PCDH9: variants seen among roughly 807,000 people sequenced by gnomAD.
The protein encoded by PCDH9 is protocadherin-9.
A neutral mutation model predicts 70.6 loss-of-function variants in PCDH9; 24 were observed. The observed-to-expected ratio is 0.34, with a 90% CI of 0.25 to 0.48. PCDH9 has a LOEUF of 0.48. PCDH9 is among the 20% of genes least tolerant of loss of function. The pLI is 0.99. For missense variants in PCDH9, 1,281 were observed against 1,503.6 expected (o/e 0.85, Z 2.45); for synonymous variants, 562 against 558.5 (o/e 1.01, Z -0.09).
chr13:67,208,541 T>A (rs1188502447), intron 2 of PCDH9: 1 of 152,126 alleles, frequency 6.6e-6, no homozygotes, highest in East Asian at 1.9e-4. Context: ...TCACAATTTT[T>A]GATTAGGAAA....
chr13:66,833,782 C>A (rs2080968405), intron 3 of PCDH9, among the ~76,000 whole-genome samples: 1 of 152,052 alleles, frequency 6.6e-6, no homozygotes, highest in Non-Finnish European at 1.5e-5. Context: ...TCATTAGTTT[C>A]CAGATTTAAA....
In PCDH9 at chr13:66,515,098, AC is replaced by A. The variant is rs561244556; in HGVS notation, c.3340+116111del. On this transcript the variant is annotated intron_variant, in intron 4 of 4. Coordinates refer to ENST00000377865, the MANE Select transcript of PCDH9 (RefSeq NM_203487.3). ...TTAGCATCTAACTTTAAAATAAATA[AC>A]ACAGTCACTAAATAAAGAACAAAGG... Among the ~76,000 whole-genome samples the A allele has an allele frequency of 1.8e-3, 277 of 152,136 alleles. 2 individuals are homozygous for A. Among genetic ancestry groups the A allele is most frequent in the African/African-American group, 6.4e-3 (268 of 41,566 alleles).
At chr13:66,761,320 A>G (rs1293309707) in intron 3 of PCDH9, among the ~76,000 whole-genome samples, 3 of 152,170 alleles carry the variant, frequency 2.0e-5, no homozygotes, top group Non-Finnish European at 2.9e-5. Flanking sequence ...AATAGACAAG[A>G]AACTATGTTG....
intron 4 of PCDH9, among the ~76,000 whole-genome samples, chr13:66,499,489 T>C (rs1056373353): frequency 1.6e-4 from 24 of 152,176 alleles, no homozygotes; most frequent in African/African-American, 5.8e-4. Flanking sequence ...TGGTTAAAAA[T>C]CATGATGCTC....
chr13:66,694,501 G>C (rs939863421), intron 3 of PCDH9, among the ~76,000 whole-genome samples: 1 of 152,046 alleles, frequency 6.6e-6, no homozygotes. Context: ...TCACACAAAC[G>C]TACTAGTAGG....
chr13:66,962,916 A>G (rs564188074), intron 2 of PCDH9, among the ~76,000 whole-genome samples: 147 of 152,294 alleles, frequency 9.7e-4, no homozygotes, highest in African/African-American at 3.1e-3. Flanking sequence ...ATATATAATG[A>G]AATAATTACA....
Position 66,804,461 on chromosome 13 carries a change from C to A in PCDH9, c.3138+99043G>T, listed in dbSNP as rs146582431. Among the ~76,000 whole-genome samples, 71 of 152,166 alleles carry A rather than the reference C, an allele frequency of 4.7e-4. 2 individuals carry two copies. The East Asian group carries it at 0.012, about 25-fold the overall frequency. On this transcript the variant is annotated intron_variant, in intron 3 of 4. Coordinates refer to ENST00000377865, the MANE Select transcript of PCDH9 (RefSeq NM_203487.3). Reference sequence around the variant, plus strand: ...ATTTTAAATTATTTTAACAAAGTTTCTTGGTTGAGATAGAGAGGAAGATTG... The same window carrying A: ...ATTTTAAATTATTTTAACAAAGTTTATTGGTTGAGATAGAGAGGAAGATTG...
intron 4 of PCDH9, among the ~76,000 whole-genome samples, chr13:66,459,973 G>T (rs1958392907): frequency 6.6e-6 from 1 of 151,786 alleles, no homozygotes; most frequent in South Asian, 2.1e-4. Context: ...TATTTAAAGA[G>T]GATCTGTTTT....
At chr13:66,946,517 A>T (rs1250652925) in intron 2 of PCDH9, among the ~76,000 whole-genome samples, 1 of 152,098 alleles carries the variant, frequency 6.6e-6, no homozygotes, top group Non-Finnish European at 1.5e-5. Context: ...TTTTTTAAAA[A>T]GATTTTTATA....
At chr13:67,016,702 T>C (rs2139850727) in intron 2 of PCDH9, among the ~76,000 whole-genome samples, 1 of 152,342 alleles carries the variant, frequency 6.6e-6, no homozygotes, top group Middle Eastern at 3.4e-3. Flanking sequence ...CCAAAGCTAC[T>C]ACTTATCAAA....
chr13:66,673,747 T>C (rs9317600), intron 3 of PCDH9, among the ~76,000 whole-genome samples: 49,400 of 152,014 alleles, frequency 0.32, 8,824 homozygotes, highest in East Asian at 0.56. Context: ...ACACACCATT[T>C]GTTCTCAATT....
At chr13:66,562,051 A>G (rs1962071550) in intron 4 of PCDH9, among the ~76,000 whole-genome samples, 1 of 152,220 alleles carries the variant, frequency 6.6e-6, no homozygotes, top group East Asian at 1.9e-4. Flanking sequence ...AACACATCCA[A>G]ACATCAGAAG....
At chr13:66,542,479 G>T (rs2138660427) in intron 4 of PCDH9, among the ~76,000 whole-genome samples, 1 of 151,908 alleles carries the variant, frequency 6.6e-6, no homozygotes, top group East Asian at 1.9e-4. Flanking sequence ...CAAAAAACTA[G>T]AATTTTCTGG....
intron 4 of PCDH9, among the ~76,000 whole-genome samples, chr13:66,390,620 C>T (rs1238723487): frequency 6.6e-6 from 1 of 151,824 alleles, no homozygotes; most frequent in Non-Finnish European, 1.5e-5. Flanking sequence ...CCTGTAGTCT[C>T]AGCTACTTGG....
At chr13:67,193,332 AAC>A (rs71110637) in intron 2 of PCDH9, among the ~76,000 whole-genome samples, 9,537 of 141,790 alleles carry the variant, frequency 0.067, 519 homozygotes, top group African/African-American at 0.15. Context: ...TGGAGATTAA[AAC>A]ACACACACAC....
chr13:66,450,589 T>G (rs1958185356), intron 4 of PCDH9, among the ~76,000 whole-genome samples: 1 of 152,216 alleles, frequency 6.6e-6, no homozygotes, highest in Non-Finnish European at 1.5e-5. Context: ...CAAGACCATT[T>G]GAATAATACA....
chr13:67,005,243 A>T (rs994375343), intron 2 of PCDH9, among the ~76,000 whole-genome samples: 11 of 150,116 alleles, frequency 7.3e-5, no homozygotes, highest in African/African-American at 2.2e-4. Context: ...GATCTCTTTA[A>T]AAAAAAAAAG....
intron 2 of PCDH9, among the ~76,000 whole-genome samples, chr13:67,191,882 CT>C (rs1395081619): frequency 2.6e-5 from 4 of 152,058 alleles, no homozygotes; most frequent in Non-Finnish European, 5.9e-5. Context: ...AACTGAACCA[CT>C]TGCTTTCAAT....
At chr13:66,761,396 G>A (rs535258314) in intron 3 of PCDH9, among the ~76,000 whole-genome samples, 1 of 151,930 alleles carries the variant, frequency 6.6e-6, no homozygotes, top group Non-Finnish European at 1.5e-5. Context: ...TATTTCTCTG[G>A]GTTTGGATAC....
Sources: allele counts gnomAD v4.1 joint callset (sites outside exome capture counted in the v4.1 genomes callset), GRCh38; gene constraint gnomAD v4.1.1; transcripts MANE v1.5; gene names NCBI Gene and HGNC (gene_info 2026-07-23, HGNC 2026-07-21).